The following USP20 variants were observed in gnomAD, a reference collection of about 807,000 sequenced individuals.
USP20 encodes ubiquitin carboxyl-terminal hydrolase 20.
Under a neutral mutation model 124.2 loss-of-function variants are expected in USP20, and 80 were observed. That is an observed-to-expected ratio of 0.64 (90% CI 0.54 to 0.78). USP20 has a LOEUF of 0.78. Among genes scored for constraint, USP20 ranks in the 30% least tolerant of loss-of-function variants. The pLI, the probability that USP20 is intolerant of heterozygous loss-of-function variation, is 0.00. For missense variants in USP20, 1,043 were observed against 1,244.4 expected (o/e 0.84, Z 2.44); for synonymous variants, 481 against 512.3 (o/e 0.94, Z 0.83).
At chr9:129,861,686 C>G in intron 8 of USP20, 74 bp downstream of exon 8, 2 of 1,457,288 alleles carry the variant, frequency 1.4e-6, no homozygotes, top group Non-Finnish European at 1.9e-6. Context: ...GTAGCAGCCC[C>G]CAGCCGGTTG....
intron 1 of USP20, among the ~76,000 whole-genome samples, chr9:129,846,239 ATATATATATTTTTTT>A (rs1429484782): frequency 4.7e-5 from 1 of 21,404 alleles, no homozygotes; most frequent in East Asian, 3.7e-3. Context: ...ATATATATAT[ATATATATATTTTTTT>A]TTTTTTTTTT....
intron 1 of USP20, among the ~76,000 whole-genome samples, chr9:129,848,496 C>G (rs2032716478): frequency 6.8e-6 from 1 of 147,886 alleles, no homozygotes; most frequent in South Asian, 2.2e-4. Context: ...AAGAGTGAGT[C>G]TGTTAAATTA....
chr9:129,850,384 G>A (rs867745696), intron 2 of USP20, among the ~76,000 whole-genome samples: 2 of 152,182 alleles, frequency 1.3e-5, no homozygotes, highest in East Asian at 1.9e-4. Flanking sequence ...ACAAGAAGGA[G>A]CCTCTGTTCC....
chr9:129,880,357 A>G (rs928042883), intron 25 of USP20, 68 bp downstream of exon 25: 10 of 1,470,590 alleles, frequency 6.8e-6, no homozygotes, highest in East Asian at 5.0e-5. Flanking sequence ...AGACCCTCAC[A>G]TGTCCTTTTG....
rs143361787 is a variant in USP20 at position 129,873,687 on chromosome 9, C to G, written c.1695-12C>G. 1 of 1,613,594 alleles carries G rather than the reference C, an allele frequency of 6.2e-7. No homozygotes were observed. On this transcript the variant is annotated splice_polypyrimidine_tract_variant and intron_variant, in intron 16 of 25. Coordinates refer to ENST00000372429, the MANE Select transcript of USP20 (RefSeq NM_001110303.4). ...TGCCGGACACTGATGCTGGCTCGTG[C>G]TTCCTCCCCAGGCTGCGGAACGGAG...
chr9:129,856,234 G>A (rs1335191327), intron 3 of USP20, 73 bp from the exon 4 acceptor site: 4 of 1,480,990 alleles, frequency 2.7e-6, no homozygotes, highest in Non-Finnish European at 3.8e-6. Flanking sequence ...CTCCAGGCAG[G>A]AGCAGTCTCA....
chr9:129,863,347 T>C, intron 9 of USP20, 48 bp downstream of exon 9: 1 of 1,434,640 alleles, frequency 7.0e-7, no homozygotes. Context: ...GGACTGGGGT[T>C]TCCTGTCAGC....
intron 4 of USP20, among the ~76,000 whole-genome samples, chr9:129,857,474 G>C (rs983405738): frequency 3.9e-5 from 6 of 152,220 alleles, no homozygotes; most frequent in Non-Finnish European, 8.8e-5. Context: ...GGCTCACAGT[G>C]GAAGCACTGA....
intron 17 of USP20, 53 bp from the exon 18 acceptor site, chr9:129,874,523 G>A (rs941195392): frequency 3.3e-5 from 52 of 1,599,388 alleles, no homozygotes; most frequent in Admixed American, 2.5e-4. Flanking sequence ...GCAAGGCTGC[G>A]AGGGCCCGCA....
Position 129,879,790 on chromosome 9 carries a change from G to A in USP20, c.2584+146G>A. On this transcript the variant is annotated intron_variant, in intron 24 of 25. Transcript: ENST00000372429. The surrounding 1 kb of genome is among the most constrained non-coding windows in gnomAD (Gnocchi z 4.2). ...CACCTGAGTCCAGACCCAGGCGGCT[G>A]AGAGATGGCCCAAGGGGCTTGGTCT... 1 of 955,592 alleles carries A rather than the reference G, an allele frequency of 1.0e-6. No individual in the cohort carries two copies. The highest frequency in any genetic ancestry group is 1.6e-6 in the Non-Finnish European group (1 of 634,208). The allele number at this position is 955,592 out of a possible 1,614,324, so 59.2% of individuals were successfully genotyped here.
Position 129,865,339 on chromosome 9 carries a change from G to A in USP20, c.648G>A (p.Gly216=), listed in dbSNP as rs1349442024. The A allele has an allele frequency of 1.2e-6, 2 of 1,614,074 alleles. No individual in the cohort carries two copies. Among genetic ancestry groups the A allele is most frequent in the African/African-American group, 2.7e-5 (2 of 74,946 alleles). The change falls in exon 10 of 26, where the codon GGG becomes GGA. Residue 216 remains glycine (G), a synonymous_variant. Coordinates refer to ENST00000372429, the MANE Select transcript of USP20 (RefSeq NM_001110303.4). ...SYVVPTSLSH[G]IKLVNPMFRG... ...TGGTCCCCACCAGTCTGTCTCATGGGATCAAGTTGGTCAACCCAATGTTCC... is the reference window on the plus strand; with the variant it reads ...TGGTCCCCACCAGTCTGTCTCATGGAATCAAGTTGGTCAACCCAATGTTCC...
chr9:129,862,178 A>G (rs988252853), intron 8 of USP20, among the ~76,000 whole-genome samples: 1 of 152,192 alleles, frequency 6.6e-6, no homozygotes, highest in African/African-American at 2.4e-5. Context: ...AAATGCGTAG[A>G]AAAGTCTGGA....
intron 22 of USP20, among the ~76,000 whole-genome samples, chr9:129,877,915 AAC>A (rs980202008): frequency 1.1e-4 from 17 of 152,168 alleles, no homozygotes; most frequent in African/African-American, 4.1e-4. Flanking sequence ...CTCTACTAAA[AAC>A]ACAAAAAGTA....
rs771408344 is a variant in USP20, at chr9:129,861,525, G to T, written c.428-18G>T. The T allele has an allele frequency of 7.1e-5, 114 of 1,613,736 alleles. 1 individual carries two copies. The South Asian group carries it at 1.2e-3, about 17-fold the overall frequency. On this transcript the variant is annotated intron_variant, in intron 7 of 25. Coordinates refer to ENST00000372429, the MANE Select transcript of USP20 (RefSeq NM_001110303.4). The stretch of plus-strand genomic sequence containing the variant: ...GCAGGGTGCTCACCTGCTCCTCCCC[G>T]TTGTGTTTATTTCCCAGGCCTCACG...
chr9:129,869,504 T>C, intron 13 of USP20, 79 bp downstream of exon 13: 1 of 1,537,736 alleles, frequency 6.5e-7, no homozygotes, highest in Non-Finnish European at 9.0e-7. Flanking sequence ...GGGTGCAGGG[T>C]GGGCTCTCCA....
intron 6 of USP20, 46 bp from the exon 7 acceptor site, chr9:129,860,891 C>T (rs1233331424): frequency 1.3e-6 from 2 of 1,596,570 alleles, no homozygotes; most frequent in East Asian, 2.2e-5. Context: ...CCTCTGACCC[C>T]AGCCCCTCTG....
intron 6 of USP20, among the ~76,000 whole-genome samples, 158 bp from the exon 7 acceptor site, chr9:129,860,779 C>T (rs1417770347): frequency 6.6e-6 from 1 of 152,224 alleles, no homozygotes; most frequent in Admixed American, 6.5e-5. Context: ...GCCACCAATC[C>T]TATCTCTTTT....
In USP20 at chr9:129,869,852, C is replaced by T. The variant is rs771059115; in HGVS notation, c.1565+8C>T. The stretch of plus-strand genomic sequence containing the variant: ...TGTGGAGTACATCCGACGGTGCGCC[C>T]ACCTTGCCACTACTGGGCGACATGG... On this transcript the variant is annotated splice_region_variant and intron_variant, in intron 14 of 25. Transcript: ENST00000372429. The T allele has an allele frequency of 1.2e-6, 2 of 1,608,564 alleles. No individual in the cohort carries two copies. Among genetic ancestry groups the T allele is most frequent in the South Asian group, 1.1e-5 (1 of 90,624 alleles).
intron 10 of USP20, among the ~76,000 whole-genome samples, chr9:129,867,124 T>C (rs2033855722): frequency 6.6e-6 from 1 of 152,144 alleles, no homozygotes; most frequent in Admixed American, 6.5e-5. Context: ...CAGGGACTGC[T>C]GGGGCTGATT....
Sources: gnomAD v4.1 joint callset for allele counts (sites outside exome capture counted in the v4.1 genomes callset) on GRCh38, gnomAD v4.1.1 for gene constraint, Gnocchi (gnomAD v3.1) non-coding constraint, MANE v1.5 for transcripts, NCBI Gene and HGNC (gene_info 2026-07-23, HGNC 2026-07-21) for gene names.